The following ANKS1B variants were observed in gnomAD, a reference collection of about 807,000 sequenced individuals.
ANKS1B encodes ankyrin repeat and sterile alpha motif domain-containing protein 1B.
Under a neutral mutation model 148.3 loss-of-function variants are expected in ANKS1B, and 36 were observed. The observed-to-expected ratio is 0.24, with a 90% CI of 0.19 to 0.32. The LOEUF is 0.32. ANKS1B is among the 10% of genes least tolerant of loss of function. ANKS1B has a pLI of 1.00. For missense variants in ANKS1B, 1,157 were observed against 1,542.6 expected (o/e 0.75, Z 4.19); for synonymous variants, 542 against 560.8 (o/e 0.97, Z 0.47).
At chr12:99,094,720 A>G (rs2055309928) in intron 15 of ANKS1B, among the ~76,000 whole-genome samples, 1 of 152,176 alleles carries the variant, frequency 6.6e-6, no homozygotes. Flanking sequence ...CTAAGAATAA[A>G]ATTTAGTGAC....
intron 17 of ANKS1B, among the ~76,000 whole-genome samples, chr12:98,946,852 A>C (rs2099846175): frequency 6.8e-6 from 1 of 147,768 alleles, no homozygotes; most frequent in African/African-American, 2.5e-5. Context: ...AGGCAGGAGG[A>C]CCACTTGAGC....
intron 12 of ANKS1B, among the ~76,000 whole-genome samples, chr12:99,394,198 G>A (rs2094168034): frequency 6.6e-6 from 1 of 152,090 alleles, no homozygotes; most frequent in Non-Finnish European, 1.5e-5. Context: ...AATTGAAGCT[G>A]CTGCTCTCTA....
intron 17 of ANKS1B, among the ~76,000 whole-genome samples, chr12:98,986,757 G>T (rs1271091458): frequency 6.6e-6 from 1 of 152,030 alleles, no homozygotes; most frequent in African/African-American, 2.4e-5. Context: ...TGGGACTACA[G>T]GTGTGTATCA....
chr12:98,837,455 C>T (rs1413200915), intron 17 of ANKS1B, among the ~76,000 whole-genome samples: 1 of 152,092 alleles, frequency 6.6e-6, no homozygotes, highest in African/African-American at 2.4e-5. Flanking sequence ...ATTGTTGAAA[C>T]CACAGGAGTC....
In ANKS1B at chr12:98,798,917, T is replaced by C. The variant is rs1208302455; in HGVS notation, c.3342+17A>G. 1 of 1,605,084 alleles carries C rather than the reference T, an allele frequency of 6.2e-7. No homozygotes were observed. Among genetic ancestry groups the C allele is most frequent in the East Asian group, 2.2e-5 (1 of 44,670 alleles). On this transcript the variant is annotated intron_variant, in intron 22 of 26. Transcript: ENST00000683438. ...AGTATTTCAGCTACTAGAAATAAAG[T>C]AGTTTGGCAGACTTACCCGCATTTT... is the stretch of plus-strand genomic sequence containing the variant.
intron 24 of ANKS1B, among the ~76,000 whole-genome samples, chr12:98,779,760 T>C (rs2098715452): frequency 1.3e-5 from 2 of 152,206 alleles, no homozygotes; most frequent in African/African-American, 4.8e-5. Flanking sequence ...GAACTAAAGA[T>C]GCTTCCAAGA....
intron 12 of ANKS1B, among the ~76,000 whole-genome samples, chr12:99,329,025 G>C (rs923059160): frequency 1.4e-4 from 21 of 151,832 alleles, no homozygotes; most frequent in African/African-American, 4.8e-4. Flanking sequence ...CATGGCAACT[G>C]AAAATATCAA....
chr12:99,407,500 C>T (rs2094560173), intron 11 of ANKS1B, among the ~76,000 whole-genome samples: 1 of 145,362 alleles, frequency 6.9e-6, no homozygotes, highest in South Asian at 2.1e-4. Context: ...CACCGTCATA[C>T]TGGAAGTCCT....
intron 1 of ANKS1B, among the ~76,000 whole-genome samples, chr12:99,871,231 T>C (rs2091470964): frequency 6.6e-6 from 1 of 152,136 alleles, no homozygotes; most frequent in African/African-American, 2.4e-5. Flanking sequence ...GGTGTGTGGC[T>C]TCATTTCTGG....
intron 1 of ANKS1B, among the ~76,000 whole-genome samples, chr12:99,928,727 A>G (rs947018596): frequency 2.0e-5 from 3 of 152,266 alleles, no homozygotes; most frequent in Non-Finnish European, 4.4e-5. Flanking sequence ...TAAAAAGCTA[A>G]CACACATATA....
chr12:99,756,098 A>T (rs2061541557), intron 8 of ANKS1B, among the ~76,000 whole-genome samples: 1 of 152,104 alleles, frequency 6.6e-6, no homozygotes, highest in Non-Finnish European at 1.5e-5. Context: ...GGCCAGGGCA[A>T]CCAGGCAAGA....
intron 17 of ANKS1B, among the ~76,000 whole-genome samples, chr12:98,997,948 A>C (rs1019192615): frequency 6.6e-6 from 1 of 152,206 alleles, no homozygotes; most frequent in Non-Finnish European, 1.5e-5. Flanking sequence ...TCTTAGAATA[A>C]AAACCAGCAG....
At chr12:99,757,516 A>G (rs2061680577) in intron 8 of ANKS1B, among the ~76,000 whole-genome samples, 1 of 152,048 alleles carries the variant, frequency 6.6e-6, no homozygotes, top group Non-Finnish European at 1.5e-5. Flanking sequence ...CAACCATTAT[A>G]GAAGACAGTA....
chr12:99,283,411 A>G (rs2078726661), intron 12 of ANKS1B, among the ~76,000 whole-genome samples: 1 of 152,156 alleles, frequency 6.6e-6, no homozygotes, highest in South Asian at 2.1e-4. Flanking sequence ...TCAGTGATAG[A>G]GCTCACTGTT....
At chr12:98,763,056 G>A (rs989125507) in intron 25 of ANKS1B, among the ~76,000 whole-genome samples, 1 of 152,200 alleles carries the variant, frequency 6.6e-6, no homozygotes, top group African/African-American at 2.4e-5. Context: ...AGCTAGACAA[G>A]TGCAGATAAT....
At chr12:99,730,600 C>CCTAA (rs1048292192) in intron 8 of ANKS1B, among the ~76,000 whole-genome samples, 10 of 152,140 alleles carry the variant, frequency 6.6e-5, no homozygotes, top group Admixed American at 3.9e-4. Flanking sequence ...TACTTCAGAA[C>CCTAA]TTAGCCTCAT....
intron 15 of ANKS1B, among the ~76,000 whole-genome samples, chr12:99,112,097 C>T (rs1046775529): frequency 2.6e-5 from 4 of 152,100 alleles, no homozygotes; most frequent in Non-Finnish European, 5.9e-5. Flanking sequence ...CAGATATAAT[C>T]ATCCCCATTT....
At chr12:99,759,242 G>A (rs868211958) in intron 8 of ANKS1B, among the ~76,000 whole-genome samples, 5 of 151,844 alleles carry the variant, frequency 3.3e-5, no homozygotes, top group South Asian at 2.1e-4. Flanking sequence ...GATGGCAGAT[G>A]CAAGAATTCT....
At chr12:99,696,254 T>C (rs951222568) in intron 8 of ANKS1B, among the ~76,000 whole-genome samples, 6 of 152,322 alleles carry the variant, frequency 3.9e-5, no homozygotes, top group Non-Finnish European at 8.8e-5. Context: ...TATAAGATGA[T>C]GTAGAGTCAT....
Sources: allele counts gnomAD v4.1 joint callset (sites outside exome capture counted in the v4.1 genomes callset), GRCh38; gene constraint gnomAD v4.1.1; transcripts MANE v1.5; gene names NCBI Gene and HGNC (gene_info 2026-07-23, HGNC 2026-07-21).